AGBL4: variants seen among roughly 807,000 people sequenced by gnomAD.
AGBL4 encodes AGBL carboxypeptidase 4, also known as cytosolic carboxypeptidase 6.
A neutral mutation model predicts 66.4 loss-of-function variants in AGBL4; 58 were observed. That is an observed-to-expected ratio of 0.87 (90% CI 0.71 to 1.09). AGBL4 has a LOEUF of 1.09. AGBL4 is among the 50% of genes least tolerant of loss of function. AGBL4 has a pLI of 0.00. For synonymous variants in AGBL4, 234 were observed against 222.9 expected (o/e 1.05, Z -0.44); for missense variants, 579 against 631.0 (o/e 0.92, Z 0.88).
intron 3 of AGBL4, among the ~76,000 whole-genome samples, chr1:49,438,852 C>T (rs551018268): frequency 6.6e-6 from 1 of 152,264 alleles, no homozygotes; most frequent in South Asian, 2.1e-4. Context: ...TGTATTGGCT[C>T]ACAGTTCTGG....
intron 3 of AGBL4, among the ~76,000 whole-genome samples, chr1:49,303,321 T>C (rs1316042567): frequency 2.0e-5 from 3 of 152,198 alleles, no homozygotes; most frequent in Non-Finnish European, 4.4e-5. Flanking sequence ...TGCCAGCATC[T>C]GTTTTTTCTT....
At chr1:49,829,279 A>C (rs2148009797) in intron 2 of AGBL4, among the ~76,000 whole-genome samples, 1 of 152,318 alleles carries the variant, frequency 6.6e-6, no homozygotes, top group South Asian at 2.1e-4. Context: ...AAGATACGTA[A>C]GCTGAACCTT....
chr1:49,409,280 T>C (rs1188202106), intron 3 of AGBL4, among the ~76,000 whole-genome samples: 1 of 152,174 alleles, frequency 6.6e-6, no homozygotes, highest in Non-Finnish European at 1.5e-5. Flanking sequence ...CAAAGTGAGC[T>C]AGTGCCTATT....
chr1:49,406,394 G>A (rs557618859), intron 3 of AGBL4, among the ~76,000 whole-genome samples: 2 of 152,264 alleles, frequency 1.3e-5, no homozygotes, highest in South Asian at 2.1e-4. Flanking sequence ...ACCTACAAAT[G>A]TGATATAAAA....
intron 2 of AGBL4, among the ~76,000 whole-genome samples, chr1:49,738,383 T>A (rs1488765041): frequency 6.6e-6 from 1 of 152,184 alleles, no homozygotes; most frequent in Non-Finnish European, 1.5e-5. Flanking sequence ...TGCCCAGGCT[T>A]GAGCAGGTAA....
intron 2 of AGBL4, among the ~76,000 whole-genome samples, chr1:49,769,617 A>T (rs571510667): frequency 5.0e-4 from 76 of 152,296 alleles, no homozygotes; most frequent in South Asian, 1.7e-3. Context: ...AAACACAGAC[A>T]CATAGACCAA....
At chr1:49,559,865 G>T (rs1481400429) in intron 3 of AGBL4, among the ~76,000 whole-genome samples, 1 of 152,064 alleles carries the variant, frequency 6.6e-6, no homozygotes, top group Non-Finnish European at 1.5e-5. Flanking sequence ...ATTGTACTTT[G>T]TGATAGTGTG....
At chr1:48,737,765 A>G (rs1240299917) in intron 6 of AGBL4, among the ~76,000 whole-genome samples, 1 of 152,204 alleles carries the variant, frequency 6.6e-6, no homozygotes, top group African/African-American at 2.4e-5. Context: ...TAGATCTCAC[A>G]AGTCATTTAC....
intron 2 of AGBL4, among the ~76,000 whole-genome samples, chr1:49,834,012 G>A (rs1470220991): frequency 7.9e-5 from 12 of 152,082 alleles, no homozygotes; most frequent in African/African-American, 2.2e-4. Flanking sequence ...TTTTCGCATC[G>A]ATGTTCATCA....
intron 11 of AGBL4, among the ~76,000 whole-genome samples, chr1:48,578,215 C>T (rs1373801549): frequency 6.6e-5 from 10 of 152,188 alleles, no homozygotes; most frequent in Admixed American, 6.5e-4. Flanking sequence ...CCACAAGTTA[C>T]AGGCAAAGCT....
intron 3 of AGBL4, among the ~76,000 whole-genome samples, chr1:49,595,030 C>G (rs1644825709): frequency 6.6e-6 from 1 of 152,202 alleles, no homozygotes. Context: ...TCACCAGCAA[C>G]TGTTTTTTCC....
intron 4 of AGBL4, among the ~76,000 whole-genome samples, chr1:49,089,969 C>A (rs925079793): frequency 1.3e-5 from 2 of 151,780 alleles, no homozygotes; most frequent in Non-Finnish European, 2.9e-5. Flanking sequence ...ATATGATTCA[C>A]CATGTGAACA....
chr1:49,535,708 T>G (rs1264788079), intron 3 of AGBL4, among the ~76,000 whole-genome samples: 3 of 152,224 alleles, frequency 2.0e-5, no homozygotes, highest in Non-Finnish European at 2.9e-5. Context: ...TGTTTGTTTT[T>G]TGAGACGGAG....
Position 48,837,711 on chromosome 1 carries a change from CTATATATATATA to C in AGBL4, c.634+29468_634+29479del, listed in dbSNP as rs58650623. Among the ~76,000 whole-genome samples the C allele has an allele frequency of 1.7e-4, 14 of 82,312 alleles. 1 individual carries two copies. Among genetic ancestry groups the C allele is most frequent in the Admixed American group, 2.6e-4 (2 of 7,830 alleles). 54.0% of individuals were successfully genotyped at this position (82,312 alleles called of 152,430 possible). ...ACGCACACACACGCACACACACACA[CTATATATATATA>C]TATATATATATATATATATCCTGTT... On this transcript the variant is annotated intron_variant, in intron 6 of 13. Transcript: ENST00000371839.
In AGBL4 at chr1:48,533,792, TA is replaced by T; in HGVS notation, c.*380del. 4.4e-6 allele frequency: 1 copy of T among 227,846 alleles called. No individual in the cohort carries two copies. Among genetic ancestry groups the T allele is most frequent in the African/African-American group, 2.3e-5 (1 of 43,216 alleles). 14.1% of individuals were successfully genotyped at this position (227,846 alleles called of 1,614,324 possible). The stretch of plus-strand genomic sequence containing the variant: ...TAAACAACCAAGCCTATTTAAAAGG[TA>T]ACCATCTGCAGTAACTATAAAACTT... On this transcript the variant is annotated 3_prime_UTR_variant, in exon 14 of 14. Transcript: ENST00000371839.
intron 2 of AGBL4, among the ~76,000 whole-genome samples, chr1:49,744,431 G>A (rs773388050): frequency 6.6e-6 from 1 of 151,936 alleles, no homozygotes; most frequent in Non-Finnish European, 1.5e-5. Flanking sequence ...TTGCATAACT[G>A]TAAACCAATT....
intron 1 of AGBL4, among the ~76,000 whole-genome samples, chr1:49,929,367 C>G (rs1485622801): frequency 6.6e-6 from 1 of 151,292 alleles, no homozygotes; most frequent in Non-Finnish European, 1.5e-5. Context: ...ACACATTATT[C>G]ACAGAAAAAT....
intron 3 of AGBL4, among the ~76,000 whole-genome samples, chr1:49,599,555 CA>C (rs1558089103): frequency 1.3e-5 from 2 of 151,914 alleles, no homozygotes; most frequent in South Asian, 4.1e-4. Flanking sequence ...TTGATCTTTT[CA>C]AAAAACCAGC....
Position 49,697,433 on chromosome 1 carries a change from G to T in AGBL4, c.162C>A (p.Asn54Lys), listed in dbSNP as rs1431016355. The change falls in exon 3 of 14, where the codon AAC (asparagine) becomes AAA (lysine). Residue 54 changes from asparagine (N) to lysine (K), a missense_variant. Physicochemically the swap from Asn to Lys is moderately conservative, Grantham distance 94. Coordinates refer to ENST00000371839, the MANE Select transcript of AGBL4 (RefSeq NM_032785.4). ...CAGAGACCTGGTCCACCCGGCCCAG[G>T]TTACCTGGTAATAAAAATTAAGAGA... is the stretch of plus-strand genomic sequence containing the variant. ...LIFDACFESG[N>K]LGRVDQVSEF... 1.7e-5 allele frequency: 25 copies of T among 1,506,834 alleles called. No individual in the cohort carries two copies. The highest frequency in any genetic ancestry group is 2.1e-5 in the Non-Finnish European group (23 of 1,113,960). 93.3% of individuals were successfully genotyped at this position (1,506,834 alleles called of 1,614,324 possible). A position where few individuals can be genotyped will look rare whatever the true frequency, so the allele number is the denominator to read the frequency against.
Sources: allele counts gnomAD v4.1 joint callset (sites outside exome capture counted in the v4.1 genomes callset), GRCh38; gene constraint gnomAD v4.1.1; transcripts MANE v1.5; gene names NCBI Gene and HGNC (gene_info 2026-07-23, HGNC 2026-07-21).